Variants in RBFOX1 observed in about 807,000 individuals in gnomAD.
The protein encoded by RBFOX1 is RNA binding protein fox-1 homolog 1.
Under a neutral mutation model 57.7 loss-of-function variants are expected in RBFOX1, and 8 were observed. The ratio of observed to expected loss-of-function variants is 0.14; its 90% CI spans 0.08 to 0.25. The LOEUF (loss-of-function observed/expected upper bound fraction) is 0.25. RBFOX1 is among the 10% of genes least tolerant of loss of function. The pLI, the probability that RBFOX1 is intolerant of heterozygous loss-of-function variation, is 1.00. For synonymous variants in RBFOX1, 326 were observed against 222.4 expected, an observed-to-expected ratio of 1.47 and a Z score of -4.15; for missense variants, 611 against 548.5, an observed-to-expected ratio of 1.11 and a Z score of -1.14.
chr16:5,628,393 A>G (rs2048406254), intron 3 of RBFOX1, among the ~76,000 whole-genome samples: 1 of 152,036 alleles, frequency 6.6e-6, no homozygotes, highest in African/African-American at 2.4e-5. Flanking sequence ...TTCTCCATTG[A>G]AAGCTCAGTC....
chr16:6,246,166 C>G (rs575008995), intron 1 of RBFOX1, among the ~76,000 whole-genome samples: 1 of 152,254 alleles, frequency 6.6e-6, no homozygotes, highest in Admixed American at 6.5e-5. Flanking sequence ...CATGGTGGCT[C>G]ACAGAATCAA....
chr16:6,654,323 A>C (rs182161948), intron 2 of RBFOX1, among the ~76,000 whole-genome samples: 1 of 152,230 alleles, frequency 6.6e-6, no homozygotes, highest in African/African-American at 2.4e-5. Context: ...ATGAGCTATC[A>C]GTTCCTCTTT....
chr16:6,043,925 C>G (rs1331004510), intron 1 of RBFOX1, among the ~76,000 whole-genome samples: 1 of 152,072 alleles, frequency 6.6e-6, no homozygotes, highest in African/African-American at 2.4e-5. Flanking sequence ...CTTCTGGGAC[C>G]CTCTAACTTT....
intron 4 of RBFOX1, among the ~76,000 whole-genome samples, chr16:7,329,968 G>A (rs1459775005): frequency 6.6e-6 from 1 of 152,148 alleles, no homozygotes; most frequent in Non-Finnish European, 1.5e-5. Flanking sequence ...CACTGGGTAT[G>A]TTCTGAGAAA....
intron 4 of RBFOX1, among the ~76,000 whole-genome samples, chr16:5,907,718 AT>A (rs2058495161): frequency 1.5e-5 from 2 of 131,818 alleles, no homozygotes; most frequent in East Asian, 4.1e-4. Context: ...CAAGGAGACT[AT>A]TTATCATCAT....
chr16:7,196,843 C>T (rs1321942458), intron 4 of RBFOX1, among the ~76,000 whole-genome samples: 1 of 152,044 alleles, frequency 6.6e-6, no homozygotes, highest in South Asian at 2.1e-4. Context: ...AAGAGGACAG[C>T]ATGTGCAAAG....
intron 2 of RBFOX1, among the ~76,000 whole-genome samples, chr16:6,451,487 C>T (rs1036339242): frequency 1.3e-5 from 2 of 152,130 alleles, no homozygotes; most frequent in African/African-American, 4.8e-5. Flanking sequence ...GGCCAAAATC[C>T]AGTTGCTCAA....
At chr16:7,161,908 G>A (rs765738638) in intron 4 of RBFOX1, among the ~76,000 whole-genome samples, 2 of 152,166 alleles carry the variant, frequency 1.3e-5, no homozygotes, top group Non-Finnish European at 2.9e-5. Flanking sequence ...TATTCTCCCT[G>A]GTAAACACAC....
intron 3 of RBFOX1, 63 bp from the exon 4 acceptor site, chr16:7,051,994 T>C: frequency 6.3e-7 from 1 of 1,580,102 alleles, no homozygotes. Context: ...CTTTCTGTTT[T>C]CTTTCATGTT....
chr16:6,522,408 T>C (rs1280750067), intron 2 of RBFOX1, among the ~76,000 whole-genome samples: 2 of 152,134 alleles, frequency 1.3e-5, no homozygotes, highest in African/African-American at 4.8e-5. Flanking sequence ...TATCAGAAGG[T>C]ACATAATGCC....
At chr16:7,107,538 G>T (rs897975865) in intron 4 of RBFOX1, among the ~76,000 whole-genome samples, 8 of 151,962 alleles carry the variant, frequency 5.3e-5, no homozygotes, top group Non-Finnish European at 1.5e-5. Context: ...CTTGACTTCT[G>T]TGCATACCTG....
intron 2 of RBFOX1, among the ~76,000 whole-genome samples, chr16:6,361,628 T>TTAAAAAAAAAAAAAAAAAAAAAA (rs1371587081): frequency 7.3e-4 from 93 of 127,930 alleles, no homozygotes; most frequent in African/African-American, 2.6e-3. Flanking sequence ...ACTCTGTCTC[T>TTAAAAAAAAAAAAAAAAAAAAAA]AAAAAAAAAA....
At chr16:6,867,485 G>T (rs145275964) in intron 3 of RBFOX1, among the ~76,000 whole-genome samples, 1 of 152,038 alleles carries the variant, frequency 6.6e-6, no homozygotes, top group East Asian at 1.9e-4. Context: ...TTGGGGGGCC[G>T]AGACAGGCGG....
rs557599011 is a variant in RBFOX1 at position 7,302,534 on chromosome 16, G to A, written c.28-215613G>A. On this transcript the variant is annotated intron_variant, in intron 4 of 15. Coordinates refer to ENST00000550418, the MANE Select transcript of RBFOX1 (RefSeq NM_018723.4). ...CCCATCCCCTCTCAGGTACGGTTCC[G>A]TCCTGCAGGTCAGTGAGAAGCTGTC... 1.7e-4 allele frequency among the ~76,000 whole-genome samples: 26 copies of A among 151,756 alleles called. No homozygotes were observed. The South Asian group carries it at 2.3e-3, about 13-fold the overall frequency.
intron 1 of RBFOX1, among the ~76,000 whole-genome samples, chr16:5,392,271 A>C (rs527409170): frequency 1.3e-5 from 2 of 152,232 alleles, no homozygotes; most frequent in Admixed American, 6.5e-5. Flanking sequence ...TGTTCCTCTA[A>C]AACCTATGGA....
At chr16:7,415,522 A>G (rs865777579) in intron 4 of RBFOX1, among the ~76,000 whole-genome samples, 19 of 152,334 alleles carry the variant, frequency 1.2e-4, no homozygotes, top group Middle Eastern at 6.8e-3. Context: ...AGGCCCTGGC[A>G]TCCAAACTGG....
At chr16:7,214,428 C>T (rs1026181112) in intron 4 of RBFOX1, among the ~76,000 whole-genome samples, 4 of 151,994 alleles carry the variant, frequency 2.6e-5, no homozygotes, top group Admixed American at 1.3e-4. Flanking sequence ...GCAGACTGCT[C>T]CCTTCCTATT....
intron 2 of RBFOX1, among the ~76,000 whole-genome samples, chr16:6,566,105 G>T (rs1371245286): frequency 6.6e-6 from 1 of 152,184 alleles, no homozygotes; most frequent in Non-Finnish European, 1.5e-5. Context: ...AAAGTAATGT[G>T]TGTCATCACT....
At chr16:6,029,841 A>G (rs563154604) in intron 1 of RBFOX1, among the ~76,000 whole-genome samples, 1 of 152,102 alleles carries the variant, frequency 6.6e-6, no homozygotes, top group African/African-American at 2.4e-5. Flanking sequence ...AAGAACCAAG[A>G]ACTTCTGGTA....
Sources: gnomAD v4.1 joint callset for allele counts (sites outside exome capture counted in the v4.1 genomes callset) on GRCh38, gnomAD v4.1.1 for gene constraint, MANE v1.5 for transcripts, NCBI Gene and HGNC (gene_info 2026-07-23, HGNC 2026-07-21) for gene names.